The following ADGRV1 variants were observed in gnomAD, a reference collection of about 807,000 sequenced individuals.
ADGRV1 encodes the protein G-protein coupled receptor 98.
A neutral mutation model predicts 596.2 loss-of-function variants in ADGRV1; 359 were observed. That is an observed-to-expected ratio of 0.60 (90% CI 0.55 to 0.66). The LOEUF (loss-of-function observed/expected upper bound fraction) is 0.66, where lower values mean the gene tolerates loss of function less well. Ranked by LOEUF, ADGRV1 falls within the 30% of genes least tolerant of loss-of-function variation. The pLI, the probability that ADGRV1 is intolerant of heterozygous loss-of-function variation, is 0.00. For missense variants in ADGRV1, 7,274 were observed against 7,575.6 expected (o/e 0.96, Z 1.48); for synonymous variants, 2,681 against 2,679.2 (o/e 1.00, Z -0.02).
intron 58 of ADGRV1, 145 bp from the exon 59 acceptor site, chr5:90,763,160 A>T: frequency 1.4e-6 from 1 of 734,732 alleles, no homozygotes; most frequent in East Asian, 2.8e-5. Context: ...TTTGGTAAAA[A>T]AAATTTTTCT....
rs1748467403 is a variant in ADGRV1 at position 90,705,439 on chromosome 5, G to T, written c.8426G>T (p.Gly2809Val). 6.2e-7 allele frequency: 1 copy of T among 1,613,860 alleles called. No individual in the cohort carries two copies. Among genetic ancestry groups the T allele is most frequent in the African/African-American group, 1.3e-5 (1 of 75,020 alleles). Residue 2809 changes from glycine to valine, a missense_variant, in exon 37 of 90, where the codon GGA (glycine) becomes GTA (valine). Coordinates refer to ENST00000405460, the MANE Select transcript of ADGRV1 (RefSeq NM_032119.4). The part of the protein sequence containing the change: ...PAGIALLDAQ[G>V]YAAVLTVEAS... The stretch of plus-strand genomic sequence containing the variant: ...GGAATCGCCCTGCTTGATGCTCAAG[G>T]ATATGCAGCTGTCCTCACAGTAGAA...
At chr5:90,855,949 T>G (rs770211047) in intron 82 of ADGRV1, 48 bp downstream of exon 82, 1 of 1,456,708 alleles carries the variant, frequency 6.9e-7, no homozygotes, top group East Asian at 2.3e-5. Flanking sequence ...TTTATGAAAA[T>G]GAAAGTCTGT....
intron 84 of ADGRV1, among the ~76,000 whole-genome samples, chr5:90,976,920 G>A (rs541631344): frequency 6.6e-6 from 1 of 152,220 alleles, no homozygotes; most frequent in African/African-American, 2.4e-5. Flanking sequence ...TTTTAAAATG[G>A]TAGAATAAGG....
chr5:91,162,452 C>T (rs961276957), intron 89 of ADGRV1, among the ~76,000 whole-genome samples: 2 of 152,052 alleles, frequency 1.3e-5, no homozygotes, highest in South Asian at 2.1e-4. Flanking sequence ...CCTGCTGCTC[C>T]GTGTCCTGAG....
At chr5:91,102,394 G>A in intron 87 of ADGRV1, 54 bp downstream of exon 87, 7 of 1,466,306 alleles carry the variant, frequency 4.8e-6, no homozygotes, top group Non-Finnish European at 5.5e-6. Flanking sequence ...ATGAACACAA[G>A]GCATAGAATT....
At chr5:90,675,102 C>A (rs1243993714) in intron 23 of ADGRV1, 141 bp from the exon 24 acceptor site, 2 of 607,016 alleles carry the variant, frequency 3.3e-6, no homozygotes, top group African/African-American at 1.8e-5. Context: ...TTAGTTAAAT[C>A]TTTGCTAAAA....
At chr5:91,138,384 A>G (rs961715465) in intron 87 of ADGRV1, among the ~76,000 whole-genome samples, 1 of 152,146 alleles carries the variant, frequency 6.6e-6, no homozygotes, top group African/African-American at 2.4e-5. Context: ...TTCTGCAATA[A>G]ATACGAACTT....
rs767058729 is a variant in ADGRV1 at position 90,635,301 on chromosome 5, T to C, written c.2016+11T>C. The stretch of plus-strand genomic sequence containing the variant: ...TTTGCTGCTGAAGTGGTAAGTAGGC[T>C]CTTTCTTACTGATGGGGGCTAATGA... On this transcript the variant is annotated intron_variant, in intron 10 of 89. Transcript: ENST00000405460. The C allele has an allele frequency of 1.3e-5, 20 of 1,598,796 alleles. No homozygotes were observed. The South Asian group carries it at 1.9e-4, about 15-fold the overall frequency.
At chr5:90,633,616 A>G (rs968587470) in intron 9 of ADGRV1, among the ~76,000 whole-genome samples, 1 of 151,898 alleles carries the variant, frequency 6.6e-6, no homozygotes, top group Non-Finnish European at 1.5e-5. Flanking sequence ...AGATAAATAA[A>G]TATATATGTG....
At chr5:90,705,023 T>G (rs1205501578) in intron 36 of ADGRV1, among the ~76,000 whole-genome samples, 1 of 152,148 alleles carries the variant, frequency 6.6e-6, no homozygotes, top group Non-Finnish European at 1.5e-5. Context: ...TTGGCCAGGA[T>G]GATCTCAATC....
At chr5:91,102,618 C>T (rs1791486904) in intron 87 of ADGRV1, among the ~76,000 whole-genome samples, 2 of 152,138 alleles carry the variant, frequency 1.3e-5, no homozygotes, top group African/African-American at 4.8e-5. Context: ...ATTTCTTTTT[C>T]AGTAGGATTG....
chr5:90,643,993 T>C lies in ADGRV1; in HGVS notation c.2734+10T>C. 1 of 1,544,458 alleles carries C rather than the reference T, an allele frequency of 6.5e-7. No individual in the cohort carries two copies. The highest frequency in any genetic ancestry group is 8.8e-7 in the Non-Finnish European group (1 of 1,130,342). ...GATGCTATCTATAGTGGTAATTTAT[T>C]CTGTGTCTTATATTGTATTTCTGTT... On this transcript the variant is annotated intron_variant, in intron 14 of 89. Coordinates refer to ENST00000405460, the MANE Select transcript of ADGRV1 (RefSeq NM_032119.4).
rs1759868171 is a variant in ADGRV1 at position 90,789,763 on chromosome 5, A to G, written c.13955A>G (p.Lys4652Arg). 6 of 1,556,634 alleles carry G rather than the reference A, an allele frequency of 3.9e-6. No homozygotes were observed. Among genetic ancestry groups the G allele is most frequent in the Non-Finnish European group, 5.2e-6 (6 of 1,148,160 alleles). Residue 4652 changes from lysine (K) to arginine (R), a missense_variant, in exon 69 of 90, where the codon AAG becomes AGG. Lys to Arg is a conservative substitution (Grantham distance 26). Around this residue, in one of 5 missense-constraint regions of ADGRV1, gnomAD observed 3,643 missense variants for 3,809.2 expected, o/e 0.96. Coordinates refer to ENST00000405460, the MANE Select transcript of ADGRV1 (RefSeq NM_032119.4). Reference sequence around the variant, plus strand: ...TTTGCTCCTGAAACTTTGTCTAAGAAGACTTATTCAGAGCCTCTGGCTCTG... The same window carrying G: ...TTTGCTCCTGAAACTTTGTCTAAGAGGACTTATTCAGAGCCTCTGGCTCTG... ...VQFAPETLSK[K>R]TYSEPLALEG...
intron 83 of ADGRV1, among the ~76,000 whole-genome samples, chr5:90,922,482 C>T (rs374959713): frequency 4.6e-5 from 7 of 152,170 alleles, no homozygotes; most frequent in African/African-American, 1.4e-4. Context: ...GGCTCACTGT[C>T]ACTTACTATG....
intron 86 of ADGRV1, among the ~76,000 whole-genome samples, chr5:91,080,588 C>CG (rs1554217660): frequency 2.4e-5 from 2 of 84,488 alleles, no homozygotes; most frequent in Non-Finnish European, 4.4e-5. Context: ...GCACACCCTG[C>CG]AAAAAAAAAA....
Position 90,914,009 on chromosome 5 carries a change from C to G in ADGRV1, c.17856+50152C>G, listed in dbSNP as rs565588123. 2.0e-4 allele frequency among the ~76,000 whole-genome samples: 30 copies of G among 152,164 alleles called. No individual in the cohort carries two copies. The South Asian group carries it at 5.8e-3, about 29-fold the overall frequency. On this transcript the variant is annotated intron_variant, in intron 83 of 89. Coordinates refer to ENST00000405460, the MANE Select transcript of ADGRV1 (RefSeq NM_032119.4). ...TTACTTTAACAGGGAAAATTGAACC[C>G]TTGGTTTAACATATGAAGTAGTGAG...
chr5:90,744,127 C>T (rs1300797396), intron 50 of ADGRV1, among the ~76,000 whole-genome samples: 1 of 151,712 alleles, frequency 6.6e-6, no homozygotes, highest in Non-Finnish European at 1.5e-5. Flanking sequence ...CAGCTGGGAC[C>T]GCAGGTGCTT....
intron 21 of ADGRV1, among the ~76,000 whole-genome samples, chr5:90,665,909 T>C (rs1458777964): frequency 2.0e-5 from 3 of 149,268 alleles, no homozygotes; most frequent in Non-Finnish European, 4.5e-5. Flanking sequence ...TCAGTTTCCA[T>C]GTAGTTGAGC....
At chr5:90,998,183 T>TG (rs1188741043) in intron 85 of ADGRV1, among the ~76,000 whole-genome samples, 1 of 152,204 alleles carries the variant, frequency 6.6e-6, no homozygotes, top group East Asian at 1.9e-4. Flanking sequence ...TCTACCAACC[T>TG]GAGTTAGGAG....
Sources: allele counts gnomAD v4.1 joint callset (sites outside exome capture counted in the v4.1 genomes callset), GRCh38; gene constraint gnomAD v4.1.1; regional missense constraint gnomAD v4.1.1; transcripts MANE v1.5; gene names NCBI Gene and HGNC (gene_info 2026-07-23, HGNC 2026-07-21).